LRRN2: variants seen among roughly 807,000 people sequenced by gnomAD.
The protein encoded by LRRN2 is leucine-rich repeat neuronal protein 2.
In LRRN2, 10 loss-of-function variants were observed where a neutral mutation model predicts 35.7. The ratio of observed to expected loss-of-function variants is 0.28; its 90% CI spans 0.17 to 0.47. The LOEUF (loss-of-function observed/expected upper bound fraction) is 0.47. Among genes scored for constraint, LRRN2 ranks in the 20% least tolerant of loss-of-function variants. The pLI, the probability that LRRN2 is intolerant of heterozygous loss-of-function variation, is 0.99. For missense variants in LRRN2, 731 were observed against 940.3 expected (o/e 0.78, Z 2.91); for synonymous variants, 391 against 409.6 (o/e 0.95, Z 0.55).
intron 1 of LRRN2, among the ~76,000 whole-genome samples, chr1:204,673,398 C>T (rs1668752509): frequency 1.3e-5 from 2 of 152,136 alleles, no homozygotes; most frequent in African/African-American, 2.4e-5. Context: ...TTCATTTTCA[C>T]AACCCTGTGA....
At chr1:204,651,592 T>C (rs1451682661) in intron 1 of LRRN2, among the ~76,000 whole-genome samples, 1 of 151,990 alleles carries the variant, frequency 6.6e-6, no homozygotes, top group African/African-American at 2.4e-5. Flanking sequence ...AGCATTTAAG[T>C]CCTGCATCCC....
rs1426564559 is a variant in LRRN2, at chr1:204,627,738, C to G, written c.-226-7520G>C. On this transcript the variant is annotated intron_variant, in intron 1 of 1. Coordinates refer to ENST00000367177, the MANE Select transcript of LRRN2 (RefSeq NM_201630.2). ...CGCTTGCTGCCAGTCTTTTGCTGAT[C>G]CTCAGGGAAAACTTTTCTGACCCCC... is the stretch of plus-strand genomic sequence containing the variant. Among the ~76,000 whole-genome samples the G allele has an allele frequency of 3.3e-5, 5 of 152,214 alleles. No homozygotes were observed. The East Asian group carries it at 9.6e-4, about 29-fold the overall frequency.
At chr1:204,668,393 G>A (rs908246611) in intron 1 of LRRN2, among the ~76,000 whole-genome samples, 7 of 152,168 alleles carry the variant, frequency 4.6e-5, no homozygotes, top group Admixed American at 1.3e-4. Flanking sequence ...ACAGGAGTTC[G>A]AGACCAGCCT....
In LRRN2 at chr1:204,631,256, CTATATATATATATATATA is replaced by C. The variant is rs1162626713; in HGVS notation, c.-226-11056_-226-11039del. Among the ~76,000 whole-genome samples, 76 of 36,918 alleles carry C rather than the reference CTATATATATATATATATA, an allele frequency of 2.1e-3. 4 individuals are homozygous for C. Among genetic ancestry groups the C allele is most frequent in the South Asian group, 4.3e-3 (4 of 928 alleles). 24.2% of individuals were successfully genotyped at this position (36,918 alleles called of 152,430 possible). A position where few individuals can be genotyped will look rare whatever the true frequency, so the allele number is the denominator to read the frequency against. On this transcript the variant is annotated intron_variant, in intron 1 of 1. Coordinates refer to ENST00000367177, the MANE Select transcript of LRRN2 (RefSeq NM_201630.2). ...CAAGAAGAGTGATACCTAGAGTGTT[CTATATATATATATATATA>C]TATATATATATATATATATATATAT...
At chr1:204,676,997 G>A (rs904134865) in intron 1 of LRRN2, among the ~76,000 whole-genome samples, 1 of 152,154 alleles carries the variant, frequency 6.6e-6, no homozygotes, top group Non-Finnish European at 1.5e-5. Context: ...ACAGCGTTAT[G>A]TGGACGAAAT....
chr1:204,638,244 G>A (rs532387183), intron 1 of LRRN2, among the ~76,000 whole-genome samples: 9 of 152,054 alleles, frequency 5.9e-5, no homozygotes, highest in Non-Finnish European at 8.8e-5. Context: ...CCAGGCCTCC[G>A]ACCTGCTTTA....
chr1:204,669,643 A>G (rs1362700019), intron 1 of LRRN2, among the ~76,000 whole-genome samples: 1 of 152,248 alleles, frequency 6.6e-6, no homozygotes, highest in Non-Finnish European at 1.5e-5. Context: ...TCTGCAGGAT[A>G]GCTAGTATTT....
intron 1 of LRRN2, among the ~76,000 whole-genome samples, chr1:204,684,415 G>C (rs1387954691): frequency 6.6e-6 from 1 of 152,128 alleles, no homozygotes; most frequent in Non-Finnish European, 1.5e-5. Context: ...TCGTTTGGGT[G>C]GGGGAGGAAG....
chr1:204,641,075 C>G (rs1422418674), intron 1 of LRRN2, among the ~76,000 whole-genome samples: 3 of 151,542 alleles, frequency 2.0e-5, no homozygotes, highest in African/African-American at 7.3e-5. Context: ...GTTCTCATGC[C>G]TGGATGCCTG....
chr1:204,640,214 A>G (rs899619258), intron 1 of LRRN2, among the ~76,000 whole-genome samples: 10 of 152,154 alleles, frequency 6.6e-5, no homozygotes, highest in African/African-American at 2.2e-4. Flanking sequence ...ATGGAGGGCC[A>G]TCTTCTCACT....
At chr1:204,648,233 G>A (rs1168775326) in intron 1 of LRRN2, among the ~76,000 whole-genome samples, 1 of 152,200 alleles carries the variant, frequency 6.6e-6, no homozygotes, top group African/African-American at 2.4e-5. Flanking sequence ...GAAAATGTCA[G>A]AGAGGTGCAG....
At chr1:204,651,040 C>G (rs987461609) in intron 1 of LRRN2, among the ~76,000 whole-genome samples, 2 of 151,556 alleles carry the variant, frequency 1.3e-5, no homozygotes, top group African/African-American at 2.4e-5. Context: ...TAGGACAAAT[C>G]TAGTCACATG....
At chr1:204,638,855 A>G (rs925463251) in intron 1 of LRRN2, among the ~76,000 whole-genome samples, 1 of 152,194 alleles carries the variant, frequency 6.6e-6, no homozygotes, top group Non-Finnish European at 1.5e-5. Flanking sequence ...TCCCAGACCA[A>G]AGAAGCTGTT....
chr1:204,675,255 T>C (rs1668801304), intron 1 of LRRN2, among the ~76,000 whole-genome samples: 2 of 152,254 alleles, frequency 1.3e-5, no homozygotes, highest in African/African-American at 4.8e-5. Context: ...GGTCCACCGC[T>C]TGGCTTTTGC....
At chr1:204,658,412 T>C (rs1162156097) in intron 1 of LRRN2, among the ~76,000 whole-genome samples, 1 of 152,250 alleles carries the variant, frequency 6.6e-6, no homozygotes, top group Non-Finnish European at 1.5e-5. Context: ...GGCTTCCCCA[T>C]TTGGCTTGGA....
intron 1 of LRRN2, among the ~76,000 whole-genome samples, chr1:204,638,402 CT>C (rs971289134): frequency 4.0e-3 from 287 of 71,644 alleles, no homozygotes; most frequent in African/African-American, 0.011. Flanking sequence ...CAAGGTCTTC[CT>C]TTTTTTTTTT....
At chr1:204,636,894 A>G (rs1667848623) in intron 1 of LRRN2, among the ~76,000 whole-genome samples, 1 of 152,250 alleles carries the variant, frequency 6.6e-6, no homozygotes, top group Non-Finnish European at 1.5e-5. Context: ...TTTTATGTCA[A>G]AAGAAAAACA....
chr1:204,642,201 T>C (rs1010259917), intron 1 of LRRN2, among the ~76,000 whole-genome samples: 6 of 152,146 alleles, frequency 3.9e-5, no homozygotes, highest in Admixed American at 2.6e-4. Context: ...CCTGTAATAA[T>C]GATAAAAATA....
At chr1:204,627,581 A>C (rs1298236068) in intron 1 of LRRN2, among the ~76,000 whole-genome samples, 1 of 152,178 alleles carries the variant, frequency 6.6e-6, no homozygotes, top group Non-Finnish European at 1.5e-5. Flanking sequence ...TTATTTCTTA[A>C]TTAGGAGTGG....
Sources: allele counts gnomAD v4.1 joint callset (sites outside exome capture counted in the v4.1 genomes callset), GRCh38; gene constraint gnomAD v4.1.1; transcripts MANE v1.5; gene names NCBI Gene and HGNC (gene_info 2026-07-23, HGNC 2026-07-21).